Variants in ABAT observed in about 807,000 individuals in gnomAD.
ABAT encodes the protein 4-aminobutyrate aminotransferase, mitochondrial.
ABAT carries 45 observed loss-of-function variants against 64.6 expected under a neutral mutation model. The ratio of observed to expected loss-of-function variants is 0.70; its 90% CI spans 0.55 to 0.89. ABAT has a LOEUF of 0.89. ABAT is among the 40% of genes least tolerant of loss of function. The pLI, the probability that ABAT is intolerant of heterozygous loss-of-function variation, is 0.00. For missense variants in ABAT, 633 were observed against 658.4 expected (o/e 0.96, Z 0.42); for synonymous variants, 297 against 250.5 (o/e 1.19, Z -1.75).
At chr16:8,734,947 C>G (rs1349737603) in intron 1 of ABAT, among the ~76,000 whole-genome samples, 1 of 151,896 alleles carries the variant, frequency 6.6e-6, no homozygotes. Flanking sequence ...GTGGTTCATA[C>G]CTGTAATCCC....
chr16:8,744,701 A>C (rs1268888087), intron 2 of ABAT, among the ~76,000 whole-genome samples: 1 of 151,744 alleles, frequency 6.6e-6, no homozygotes, highest in Non-Finnish European at 1.5e-5. Context: ...GACCTCAGCC[A>C]GGCTAAAAAT....
chr16:8,764,111 G>A lies in ABAT; in HGVS notation c.409G>A (p.Glu137Lys). The change falls in exon 7 of 16, where the codon GAG becomes AAG. Residue 137 changes from glutamate to lysine, a missense_variant. Glu to Lys is a moderately conservative substitution (Grantham distance 56, BLOSUM62 1). Transcript: ENST00000268251. The surrounding 1 kb of genome is among the most constrained non-coding windows in gnomAD (Gnocchi z 4.2). ...NRPALGILPPENFVEKLRQSL... is the reference protein window; with the variant it reads ...NRPALGILPPKNFVEKLRQSL... ...ACCCGCCCTCGGAATCCTGCCTCCGGAGAACTTTGTGGAGAAGCTCCGGCA... is the reference window on the plus strand; with the variant it reads ...ACCCGCCCTCGGAATCCTGCCTCCGAAGAACTTTGTGGAGAAGCTCCGGCA... 1 of 1,613,674 alleles carries A rather than the reference G, an allele frequency of 6.2e-7. No homozygotes were observed. Among genetic ancestry groups the A allele is most frequent in the African/African-American group, 1.3e-5 (1 of 74,964 alleles).
intron 2 of ABAT, chr16:8,736,299 C>G (rs1410484775): frequency 5.3e-6 from 1 of 188,194 alleles, no homozygotes; most frequent in Non-Finnish European, 1.1e-5. Context: ...ACAGCCAAAC[C>G]ACATCACCCA....
intron 2 of ABAT, among the ~76,000 whole-genome samples, chr16:8,745,481 G>C (rs1026241108): frequency 6.6e-6 from 1 of 152,056 alleles, no homozygotes; most frequent in Non-Finnish European, 1.5e-5. Context: ...TGGATTGCTT[G>C]AGCCCAGGAG....
At position 8,723,525 on chromosome 16, in the gene ABAT, C is replaced by T. The variant is rs144652427; in HGVS notation, c.-41-12174C>T. 3.1e-3 allele frequency among the ~76,000 whole-genome samples: 468 copies of T among 152,262 alleles called. 3 individuals carry two copies. The highest frequency in any genetic ancestry group is 0.011 in the African/African-American group (441 of 41,550). On this transcript the variant is annotated intron_variant, in intron 1 of 15. Coordinates refer to ENST00000268251, the MANE Select transcript of ABAT (RefSeq NM_020686.6). ...TTTCCTTGGCAACTCCAGAAATCTC[C>T]AGGGATCTCAGACCATAGGGCTCTA...
chr16:8,700,958 G>T (rs1310981972), intron 1 of ABAT, among the ~76,000 whole-genome samples: 5 of 148,138 alleles, frequency 3.4e-5, no homozygotes. Context: ...CTTTGAGATG[G>T]AGTGTCACTC....
chr16:8,759,070 C>T (rs906674261), intron 6 of ABAT, among the ~76,000 whole-genome samples: 1 of 151,878 alleles, frequency 6.6e-6, no homozygotes, highest in Non-Finnish European at 1.5e-5. Flanking sequence ...CCACTGCACT[C>T]CAGCTTGGGT....
intron 1 of ABAT, among the ~76,000 whole-genome samples, chr16:8,676,700 C>A (rs570316560): frequency 2.7e-4 from 41 of 152,190 alleles, no homozygotes; most frequent in Non-Finnish European, 4.6e-4. Flanking sequence ...GTGGAGGCTA[C>A]TGCAGGAACC....
At chr16:8,700,566 G>A (rs779095366) in intron 1 of ABAT, among the ~76,000 whole-genome samples, 9 of 152,050 alleles carry the variant, frequency 5.9e-5, no homozygotes, top group Non-Finnish European at 1.0e-4. Flanking sequence ...GATGTCAGGC[G>A]TCTCCCTCTG....
intron 1 of ABAT, among the ~76,000 whole-genome samples, chr16:8,696,525 C>T (rs1179118402): frequency 1.3e-5 from 2 of 152,092 alleles, no homozygotes; most frequent in Admixed American, 6.6e-5. Flanking sequence ...GAGTCTGAGA[C>T]AGGAGAATCA....
intron 6 of ABAT, among the ~76,000 whole-genome samples, chr16:8,759,368 A>T (rs899465483): frequency 2.4e-4 from 35 of 144,834 alleles, no homozygotes; most frequent in African/African-American, 7.4e-4. Flanking sequence ...CAGAGTAAAA[A>T]ATTTTTTTTT....
rs138975122 is a variant in ABAT at position 8,765,204 on chromosome 16, C to T, written c.540+374C>T. On this transcript the variant is annotated intron_variant, in intron 8 of 15. Coordinates refer to ENST00000268251, the MANE Select transcript of ABAT (RefSeq NM_020686.6). ...TTCAAAAATTGGCCAGGCATGGTGACGCATGCCTGTAGTCCCAACTATTCT... is the reference window on the plus strand; with the variant it reads ...TTCAAAAATTGGCCAGGCATGGTGATGCATGCCTGTAGTCCCAACTATTCT... Among the ~76,000 whole-genome samples the T allele has an allele frequency of 5.8e-3, 883 of 151,174 alleles. 2 individuals carry two copies. The highest frequency in any genetic ancestry group is 0.011 in the Middle Eastern group (3 of 284).
chr16:8,769,662 TCTC>T (rs1162489852), intron 11 of ABAT, among the ~76,000 whole-genome samples: 2 of 152,140 alleles, frequency 1.3e-5, no homozygotes, highest in African/African-American at 4.8e-5. Flanking sequence ...GGTTTTGTCT[TCTC>T]CTGAGTCTTG....
chr16:8,780,043 C>T (rs548928470), intron 15 of ABAT, among the ~76,000 whole-genome samples: 15 of 152,236 alleles, frequency 9.9e-5, no homozygotes, highest in African/African-American at 3.4e-4. Flanking sequence ...AGCATTTTAC[C>T]CTAAGTCTTG....
chr16:8,705,503 A>C (rs933811572), intron 1 of ABAT: 2 of 152,156 alleles, frequency 1.3e-5, no homozygotes, highest in Non-Finnish European at 2.9e-5. Context: ...AAATTTTAAA[A>C]GAGCTATAAC....
At chr16:8,755,646 C>T (rs1567305768) in intron 5 of ABAT, among the ~76,000 whole-genome samples, 1 of 152,144 alleles carries the variant, frequency 6.6e-6, no homozygotes, top group Non-Finnish European at 1.5e-5. Flanking sequence ...TTCGGTGGCT[C>T]ACACCTGTAA....
chr16:8,738,414 T>C (rs181388433), intron 2 of ABAT: 1 of 455,876 alleles, frequency 2.2e-6, no homozygotes, highest in East Asian at 7.0e-5. Context: ...TTTCACTCAT[T>C]TTTCCTTTAA....
chr16:8,771,893 T>G (rs1032640440), intron 11 of ABAT, among the ~76,000 whole-genome samples: 2 of 151,898 alleles, frequency 1.3e-5, no homozygotes, highest in Admixed American at 1.3e-4. Context: ...GCCTCTCAAG[T>G]AGCTGAGACT....
intron 1 of ABAT, among the ~76,000 whole-genome samples, chr16:8,694,275 G>A (rs530525635): frequency 1.3e-5 from 2 of 151,248 alleles, no homozygotes; most frequent in South Asian, 2.1e-4. Flanking sequence ...CGCCCGCCTC[G>A]GCCTTCCAAA....
Sources: gnomAD v4.1 joint callset for allele counts (sites outside exome capture counted in the v4.1 genomes callset) on GRCh38, gnomAD v4.1.1 for gene constraint, Gnocchi (gnomAD v3.1) non-coding constraint, MANE v1.5 for transcripts, NCBI Gene and HGNC (gene_info 2026-07-23, HGNC 2026-07-21) for gene names.